Variants in BACH2 observed in about 807,000 individuals in gnomAD.
BACH2 encodes the protein BACH transcriptional regulator 2.
A neutral mutation model predicts 61.8 loss-of-function variants in BACH2; 5 were observed. That is an observed-to-expected ratio of 0.08 (90% CI 0.04 to 0.17). The LOEUF (loss-of-function observed/expected upper bound fraction) is 0.17, where lower values mean the gene tolerates loss of function less well. BACH2 is among the 10% of genes least tolerant of loss of function. The probability of loss-of-function intolerance (pLI) is 1.00; values close to 1 mark genes in which losing one functional copy is unlikely to be tolerated. For synonymous variants in BACH2, 446 were observed against 440.1 expected, an observed-to-expected ratio of 1.01 and a Z score of -0.17; for missense variants, 824 against 1,091.1, an observed-to-expected ratio of 0.76 and a Z score of 3.45.
Position 89,931,901 on chromosome 6 carries a change from A to G in BACH2, c.*507T>C, listed in dbSNP as rs1229384417. On this transcript the variant is annotated 3_prime_UTR_variant, in exon 9 of 9. Transcript: ENST00000257749. ...GAAATAAGTTTCCAGTTTTAGGATG[A>G]GAAAGTTGAGGCATGCAGGACTTTT... 1 of 149,774 alleles carries G rather than the reference A, an allele frequency of 6.7e-6. No individual in the cohort carries two copies. The highest frequency in any genetic ancestry group is 1.9e-4 in the East Asian group (1 of 5,252). The allele number at this position is 149,774 out of a possible 1,614,324, so 9.3% of individuals were successfully genotyped here.
intron 3 of BACH2, among the ~76,000 whole-genome samples, chr6:90,209,699 T>C (rs1769276216): frequency 1.3e-5 from 2 of 152,146 alleles, no homozygotes; most frequent in African/African-American, 4.8e-5. Flanking sequence ...CCAGCTCCAA[T>C]CATGCCACAA....
chr6:89,936,654 G>A (rs1008496554), intron 8 of BACH2, among the ~76,000 whole-genome samples: 1 of 152,174 alleles, frequency 6.6e-6, no homozygotes, highest in Non-Finnish European at 1.5e-5. Context: ...CTTTGTTGGT[G>A]ATGGGAGCTG....
chr6:90,015,182 G>C (rs1229156976), intron 5 of BACH2, among the ~76,000 whole-genome samples: 1 of 152,124 alleles, frequency 6.6e-6, no homozygotes, highest in Non-Finnish European at 1.5e-5. Flanking sequence ...TTCTCTTTCT[G>C]ATCAGTCTGG....
At position 90,296,571 on chromosome 6, in the gene BACH2, T is replaced by A. The variant is rs1772401814; in HGVS notation, c.-537A>T. The A allele has an allele frequency of 1.3e-5, 2 of 151,698 alleles. No homozygotes were observed. Among genetic ancestry groups the A allele is most frequent in the South Asian group, 2.1e-4 (1 of 4,848 alleles). 9.4% of individuals were successfully genotyped at this position (151,698 alleles called of 1,614,324 possible). Reference sequence around the variant, plus strand: ...TCCCGGCAGCCGGCGAGGTGGGCAGTTCGTGGGTCACCGAAAGCTCGCGGA... The same window carrying A: ...TCCCGGCAGCCGGCGAGGTGGGCAGATCGTGGGTCACCGAAAGCTCGCGGA... On this transcript the variant is annotated 5_prime_UTR_variant, in exon 1 of 9. Transcript: ENST00000257749.
At chr6:90,002,290 T>C (rs1201132941) in intron 6 of BACH2, among the ~76,000 whole-genome samples, 2 of 152,188 alleles carry the variant, frequency 1.3e-5, no homozygotes, top group African/African-American at 2.4e-5. Context: ...GGACTTCTTT[T>C]CCTTTCTATC....
At position 89,932,470 on chromosome 6, in the gene BACH2, A is replaced by G; in HGVS notation, c.2464T>C (p.Phe822Leu). Reference protein sequence around the residue: ...EPRSQTVTVDFCQEMTDKCTT... With the variant: ...EPRSQTVTVDLCQEMTDKCTT... The stretch of plus-strand genomic sequence containing the variant: ...CACTTATCAGTCATTTCCTGGCAGA[A>G]GTCCACGGTCACTGTTTGGCTCCTG... Residue 822 changes from phenylalanine (F) to leucine (L), a missense_variant, in exon 9 of 9, where the codon TTC (phenylalanine) becomes CTC (leucine). This residue lies in a region of BACH2 where 135 missense variants were observed against 142.7 expected (regional missense o/e 0.95). Transcript: ENST00000257749. 5 of 1,614,076 alleles carry G rather than the reference A, an allele frequency of 3.1e-6. No individual in the cohort carries two copies. The highest frequency in any genetic ancestry group is 4.2e-6 in the Non-Finnish European group (5 of 1,180,014).
At chr6:90,249,321 C>A (rs1323062388) in intron 3 of BACH2, among the ~76,000 whole-genome samples, 1 of 152,142 alleles carries the variant, frequency 6.6e-6, no homozygotes, top group East Asian at 1.9e-4. Flanking sequence ...GATGTAGCTT[C>A]CTGTCATCTT....
intron 5 of BACH2, among the ~76,000 whole-genome samples, chr6:90,010,234 C>A (rs1363641360): frequency 6.6e-6 from 1 of 152,066 alleles, no homozygotes; most frequent in African/African-American, 2.4e-5. Context: ...TCCTTAAGGC[C>A]CTTGTAATAA....
intron 5 of BACH2, among the ~76,000 whole-genome samples, chr6:90,038,844 C>A (rs560894061): frequency 2.6e-5 from 4 of 152,086 alleles, no homozygotes; most frequent in African/African-American, 9.6e-5. Context: ...CAAGACCAGC[C>A]TGGCCGACAT....
chr6:90,203,731 G>A (rs1769038526), intron 4 of BACH2, among the ~76,000 whole-genome samples: 1 of 152,176 alleles, frequency 6.6e-6, no homozygotes, highest in Non-Finnish European at 1.5e-5. Flanking sequence ...CATATTCCCT[G>A]TAGACTGGCC....
intron 1 of BACH2, among the ~76,000 whole-genome samples, chr6:90,274,413 AC>A (rs1301625378): frequency 6.6e-6 from 1 of 152,248 alleles, no homozygotes; most frequent in African/African-American, 2.4e-5. Context: ...ATTTTTAATC[AC>A]AACCTTAGTC....
intron 2 of BACH2, among the ~76,000 whole-genome samples, chr6:90,271,632 T>A (rs959353378): frequency 3.6e-4 from 54 of 151,950 alleles, no homozygotes; most frequent in African/African-American, 1.3e-3. Flanking sequence ...CCAACAAACA[T>A]AAGAAAAAAT....
At chr6:90,135,507 C>T (rs150507377) in intron 4 of BACH2, among the ~76,000 whole-genome samples, 20 of 152,220 alleles carry the variant, frequency 1.3e-4, no homozygotes, top group African/African-American at 4.3e-4. Context: ...GTGGATGGAT[C>T]GCTTGAGACC....
At chr6:90,002,053 A>G (rs1317040686) in intron 6 of BACH2, among the ~76,000 whole-genome samples, 1 of 152,132 alleles carries the variant, frequency 6.6e-6, no homozygotes, top group Non-Finnish European at 1.5e-5. Flanking sequence ...TGGCCTCCAA[A>G]TTGCCGGATG....
rs537187501 is a variant in BACH2, at chr6:90,033,711, C to A, written c.-12-24855G>T. On this transcript the variant is annotated intron_variant, in intron 5 of 8. Transcript: ENST00000257749. ...AAGATGCTCACCTGTTAAAAAAAAA[C>A]GTAAGTTTCTAAAGGAGACACTTGA... is the stretch of plus-strand genomic sequence containing the variant. 8.6e-5 allele frequency among the ~76,000 whole-genome samples: 13 copies of A among 151,858 alleles called. No individual in the cohort carries two copies. The South Asian group carries it at 2.5e-3, about 29-fold the overall frequency.
intron 1 of BACH2, among the ~76,000 whole-genome samples, chr6:90,286,698 G>A (rs1772026850): frequency 1.3e-5 from 2 of 152,072 alleles, no homozygotes; most frequent in East Asian, 1.9e-4. Flanking sequence ...GGTCATTCTG[G>A]TTCTCTAACA....
intron 3 of BACH2, among the ~76,000 whole-genome samples, chr6:90,223,077 C>G (rs1352476795): frequency 6.6e-6 from 1 of 152,216 alleles, no homozygotes; most frequent in Non-Finnish European, 1.5e-5. Flanking sequence ...CCTTCCTTGT[C>G]CAGTGTGCTC....
At chr6:90,288,127 T>C (rs1772075364) in intron 1 of BACH2, among the ~76,000 whole-genome samples, 2 of 152,088 alleles carry the variant, frequency 1.3e-5, no homozygotes, top group South Asian at 4.1e-4. Flanking sequence ...TGGGTAATAA[T>C]ATCTTTCACA....
rs528065001 is a variant in BACH2, at chr6:90,021,595, TA to T, written c.-12-12740del. Among the ~76,000 whole-genome samples, 233 of 152,296 alleles carry T rather than the reference TA, an allele frequency of 1.5e-3. 6 individuals carry two copies. The highest frequency in any genetic ancestry group is 0.013 in the Admixed American group (194 of 15,288). On this transcript the variant is annotated intron_variant, in intron 5 of 8. Transcript: ENST00000257749. ...TTCCTGCTCTTATAAAACATGCTTTTAAAAAAAGTTATTTACTGTAAAACTG... is the reference window on the plus strand; with the variant it reads ...TTCCTGCTCTTATAAAACATGCTTTTAAAAAAGTTATTTACTGTAAAACTG...
Sources: allele counts gnomAD v4.1 joint callset (sites outside exome capture counted in the v4.1 genomes callset), GRCh38; gene constraint gnomAD v4.1.1; regional missense constraint gnomAD v4.1.1; transcripts MANE v1.5; gene names NCBI Gene and HGNC (gene_info 2026-07-23, HGNC 2026-07-21).